The following SMARCAD1 variants were observed in gnomAD, a reference collection of about 807,000 sequenced individuals.
The protein encoded by SMARCAD1 is SNF2 related chromatin remodeling ATPase with DExD box 1, also known as SWI/SNF-related matrix-associated actin-dependent regulator of chromatin subfamily A containing DEAD/H box 1.
SMARCAD1 carries 25 observed loss-of-function variants against 127.1 expected under a neutral mutation model. The ratio of observed to expected loss-of-function variants is 0.20; its 90% CI spans 0.14 to 0.27. SMARCAD1 has a LOEUF of 0.27. Among genes scored for constraint, SMARCAD1 ranks in the 10% least tolerant of loss-of-function variants. SMARCAD1 has a pLI of 1.00. For missense variants in SMARCAD1, 807 were observed against 1,206.0 expected (o/e 0.67, Z 4.90); for synonymous variants, 400 against 396.9 (o/e 1.01, Z -0.09).
chr4:94,233,823 C>A (rs1362734671), intron 3 of SMARCAD1, 131 bp from the exon 4 acceptor site: 4 of 976,400 alleles, frequency 4.1e-6, no homozygotes, highest in Non-Finnish European at 6.1e-6. Context: ...CTCTTTCTGA[C>A]AAGTATAGAT....
In SMARCAD1 at chr4:94,264,909, A is replaced by G. The variant is rs754525664; in HGVS notation, c.1481+3A>G. On this transcript the variant is annotated splice_donor_region_variant and intron_variant, in intron 10 of 23. Coordinates refer to ENST00000354268, the MANE Select transcript of SMARCAD1 (RefSeq NM_020159.5). ...CAACCTTCCATTCTAAACCAAAGGT[A>G]ATCTTTGTTGAATATATTTATTCGT... 5.6e-6 allele frequency: 9 copies of G among 1,605,592 alleles called. No individual in the cohort carries two copies. Among genetic ancestry groups the G allele is most frequent in the Non-Finnish European group, 6.0e-6 (7 of 1,172,904 alleles).
At chr4:94,268,605 T>C (rs962637547) in intron 10 of SMARCAD1, among the ~76,000 whole-genome samples, 1 of 152,164 alleles carries the variant, frequency 6.6e-6, no homozygotes, top group Non-Finnish European at 1.5e-5. Flanking sequence ...TTTTTTCATT[T>C]CTACTATTTA....
Position 94,218,669 on chromosome 4 carries a change from C to G in SMARCAD1, c.191-7450C>G, listed in dbSNP as rs115610633. On this transcript the variant is annotated intron_variant, in intron 2 of 23. Transcript: ENST00000354268. ...TTAGAATGATGTATTAGAAACTACT[C>G]TTTAATCTTATATTTAGTGTATTGT... Among the ~76,000 whole-genome samples the G allele has an allele frequency of 3.9e-3, 590 of 152,178 alleles. 7 individuals carry two copies. Among genetic ancestry groups the G allele is most frequent in the African/African-American group, 0.014 (566 of 41,510 alleles).
At chr4:94,248,593 C>T (rs1197830694) in intron 6 of SMARCAD1, 1 of 453,940 alleles carries the variant, frequency 2.2e-6, no homozygotes, top group African/African-American at 2.0e-5. Context: ...CCTGTTGCTT[C>T]TTAAAAAAGA....
chr4:94,249,557 T>C (rs1748959034), intron 6 of SMARCAD1, 97 bp from the exon 7 acceptor site: 2 of 739,222 alleles, frequency 2.7e-6, no homozygotes, highest in Non-Finnish European at 4.9e-6. Flanking sequence ...CTGATGATGA[T>C]AATTTTCAGA....
At chr4:94,261,338 A>T (rs1030443440) in intron 9 of SMARCAD1, among the ~76,000 whole-genome samples, 1 of 152,162 alleles carries the variant, frequency 6.6e-6, no homozygotes. Flanking sequence ...TTATCACTAA[A>T]CTCATAATAT....
At chr4:94,282,013 C>T (rs1241782412) in intron 21 of SMARCAD1, among the ~76,000 whole-genome samples, 18 of 150,664 alleles carry the variant, frequency 1.2e-4, no homozygotes, top group Non-Finnish European at 2.7e-4. Flanking sequence ...GCACTGTAGC[C>T]TGGGTGACAG....
At chr4:94,264,956 A>G (rs774606029) in intron 10 of SMARCAD1, 50 bp downstream of exon 10, 1 of 1,529,622 alleles carries the variant, frequency 6.5e-7, no homozygotes, top group Admixed American at 1.7e-5. Flanking sequence ...ATTATACAAA[A>G]TATCTGAATT....
At chr4:94,272,359 C>G (rs1752659145) in intron 11 of SMARCAD1, among the ~76,000 whole-genome samples, 1 of 152,188 alleles carries the variant, frequency 6.6e-6, no homozygotes, top group Non-Finnish European at 1.5e-5. Context: ...ATCTGTATCT[C>G]CTAAGTAACT....
chr4:94,256,454 C>T (rs1750090501), intron 9 of SMARCAD1, among the ~76,000 whole-genome samples: 1 of 152,140 alleles, frequency 6.6e-6, no homozygotes, highest in African/African-American at 2.4e-5. Context: ...CCTCCACCTC[C>T]CGGGTTCAAG....
intron 2 of SMARCAD1, among the ~76,000 whole-genome samples, chr4:94,225,616 C>A (rs1744868545): frequency 6.6e-6 from 1 of 152,192 alleles, no homozygotes. Flanking sequence ...ACCACATATT[C>A]ATAAGAGCTA....
At position 94,233,938 on chromosome 4, in the gene SMARCAD1, C is replaced by G; in HGVS notation, c.369-16C>G. On this transcript the variant is annotated splice_polypyrimidine_tract_variant and intron_variant, in intron 3 of 23. Coordinates refer to ENST00000354268, the MANE Select transcript of SMARCAD1 (RefSeq NM_020159.5). ...TACATTAAAAATGTTTTTTGCTCCTCTAAAAATATTTTTAGTTCTGAGCCA... is the reference window on the plus strand; with the variant it reads ...TACATTAAAAATGTTTTTTGCTCCTGTAAAAATATTTTTAGTTCTGAGCCA... 6.2e-7 allele frequency: 1 copy of G among 1,613,088 alleles called. No individual in the cohort carries two copies. The highest frequency in any genetic ancestry group is 8.5e-7 in the Non-Finnish European group (1 of 1,179,428).
chr4:94,246,852 A>G (rs933302676), intron 6 of SMARCAD1, among the ~76,000 whole-genome samples: 4 of 152,226 alleles, frequency 2.6e-5, no homozygotes, highest in Admixed American at 6.5e-5. Flanking sequence ...AAACCTGCCA[A>G]GATAAAAACG....
rs1057405093 is a variant in SMARCAD1, at chr4:94,290,585, G to A, written c.*1051G>A. On this transcript the variant is annotated 3_prime_UTR_variant, in exon 24 of 24. Transcript: ENST00000354268. ...TTTCCAGAATTTCCAGTACAGGACC[G>A]CCTGAAGAGAGAGCCATTGTTCAAT... is the stretch of plus-strand genomic sequence containing the variant. 1.5e-5 allele frequency: 7 copies of A among 454,338 alleles called. No individual in the cohort carries two copies. Among genetic ancestry groups the A allele is most frequent in the African/African-American group, 6.0e-5 (3 of 50,006 alleles). The allele number at this position is 454,338 out of a possible 1,614,324, so 28.1% of individuals were successfully genotyped here. A position where few individuals can be genotyped will look rare whatever the true frequency, so the allele number is the denominator to read the frequency against.
intron 11 of SMARCAD1, among the ~76,000 whole-genome samples, chr4:94,272,274 C>G (rs757672552): frequency 6.6e-6 from 1 of 152,154 alleles, no homozygotes; most frequent in Non-Finnish European, 1.5e-5. Context: ...ACGACTCCAA[C>G]GTATGTATTG....
At chr4:94,242,704 G>T (rs1428229353) in intron 6 of SMARCAD1, among the ~76,000 whole-genome samples, 1 of 145,648 alleles carries the variant, frequency 6.9e-6, no homozygotes, top group East Asian at 2.1e-4. Context: ...AGGAGTTCAA[G>T]ACCAGCCTGA....
intron 6 of SMARCAD1, 149 bp downstream of exon 6, chr4:94,241,155 A>G (rs1417171510): frequency 1.6e-6 from 1 of 641,230 alleles, no homozygotes; most frequent in East Asian, 2.9e-5. Flanking sequence ...TTAATTTGTG[A>G]CTGTTTTTGC....
At chr4:94,286,589 G>A (rs1379042190) in intron 23 of SMARCAD1, among the ~76,000 whole-genome samples, 1 of 152,110 alleles carries the variant, frequency 6.6e-6, no homozygotes, top group Non-Finnish European at 1.5e-5. Flanking sequence ...CTCTCTGTCT[G>A]CTGTTGTCTT....
At chr4:94,253,635 A>T (rs1228252248) in intron 9 of SMARCAD1, 24 of 1,033,540 alleles carry the variant, frequency 2.3e-5, no homozygotes, top group Non-Finnish European at 2.7e-5. Flanking sequence ...GGAAGCCTAT[A>T]ATTCAAGCGT....
Sources: allele counts gnomAD v4.1 joint callset (sites outside exome capture counted in the v4.1 genomes callset), GRCh38; gene constraint gnomAD v4.1.1; transcripts MANE v1.5; gene names NCBI Gene and HGNC (gene_info 2026-07-23, HGNC 2026-07-21).